Variants in ACAP2 observed in about 807,000 individuals in gnomAD.
ACAP2 encodes the protein arf-GAP with coiled-coil, ANK repeat and PH domain-containing protein 2.
Under a neutral mutation model 115.8 loss-of-function variants are expected in ACAP2, and 39 were observed. The observed-to-expected ratio is 0.34, with a 90% confidence interval of 0.26 to 0.44. ACAP2 has a LOEUF of 0.44. Among genes scored for constraint, ACAP2 ranks in the 20% least tolerant of loss-of-function variants. The pLI is 1.00. For synonymous variants in ACAP2, 289 were observed against 315.8 expected (o/e 0.92, Z 0.90); for missense variants, 662 against 927.6 (o/e 0.71, Z 3.72).
At chr3:195,428,057 A>G (rs1182149516) in intron 1 of ACAP2, among the ~76,000 whole-genome samples, 1 of 152,042 alleles carries the variant, frequency 6.6e-6, no homozygotes, top group African/African-American at 2.4e-5. Flanking sequence ...AATTGTTACC[A>G]AATTATCAAT....
At chr3:195,340,544 G>C (rs144129416) in intron 6 of ACAP2, among the ~76,000 whole-genome samples, 234 of 152,196 alleles carry the variant, frequency 1.5e-3, no homozygotes, top group African/African-American at 5.4e-3. Flanking sequence ...AGAGTGAAAA[G>C]GCAGACAAAG....
chr3:195,407,692 G>A (rs9860798), intron 1 of ACAP2, among the ~76,000 whole-genome samples: 46,158 of 151,948 alleles, frequency 0.3, 8,056 homozygotes, highest in East Asian at 0.81. Context: ...GTAAGACTCC[G>A]TCTCAAAAGA....
rs750516047 is a variant in ACAP2, at chr3:195,301,648, A to C, written c.1326-4T>G. The stretch of plus-strand genomic sequence containing the variant: ...TGAAAAATGAACCCCAAGGCTCCTA[A>C]GTGGAAAAAAGAAGACTGCATTACT... On this transcript the variant is annotated splice_region_variant and splice_polypyrimidine_tract_variant and intron_variant, in intron 14 of 22. Transcript: ENST00000326793. The C allele has an allele frequency of 2.5e-6, 4 of 1,611,632 alleles. No individual in the cohort carries two copies. The highest frequency in any genetic ancestry group is 2.5e-6 in the Non-Finnish European group (3 of 1,179,184).
chr3:195,359,313 G>A (rs147213213), intron 4 of ACAP2, among the ~76,000 whole-genome samples: 4 of 152,282 alleles, frequency 2.6e-5, no homozygotes, highest in African/African-American at 9.6e-5. Context: ...TAATTGTGCT[G>A]TGTAAACTAC....
intron 1 of ACAP2, chr3:195,442,083 G>C (rs941461626): frequency 6.6e-6 from 1 of 152,484 alleles, no homozygotes; most frequent in African/African-American, 2.4e-5. Context: ...TCCGCCCTCA[G>C]CCCGGTACCT....
intron 1 of ACAP2, among the ~76,000 whole-genome samples, chr3:195,425,101 T>C (rs954936643): frequency 1.3e-5 from 2 of 149,520 alleles, no homozygotes; most frequent in African/African-American, 4.9e-5. Flanking sequence ...TTAAATTTGC[T>C]ATACAACTAA....
intron 15 of ACAP2, among the ~76,000 whole-genome samples, chr3:195,300,410 T>C (rs974673546): frequency 2.6e-5 from 4 of 152,158 alleles, no homozygotes; most frequent in Admixed American, 1.3e-4. Flanking sequence ...TTTTCTACAA[T>C]ATGGTAAACT....
At chr3:195,417,527 C>T (rs1191140277) in intron 1 of ACAP2, among the ~76,000 whole-genome samples, 1 of 152,142 alleles carries the variant, frequency 6.6e-6, no homozygotes, top group African/African-American at 2.4e-5. Flanking sequence ...CTACCAAAAG[C>T]GGACCATCAT....
At chr3:195,411,353 A>G (rs1451948005) in intron 1 of ACAP2, among the ~76,000 whole-genome samples, 1 of 152,244 alleles carries the variant, frequency 6.6e-6, no homozygotes, top group Non-Finnish European at 1.5e-5. Flanking sequence ...CGCATTATTC[A>G]CAATAGATAA....
intron 1 of ACAP2, among the ~76,000 whole-genome samples, chr3:195,440,842 T>C (rs895632327): frequency 2.6e-5 from 4 of 152,178 alleles, no homozygotes; most frequent in African/African-American, 7.2e-5. Context: ...CCAAAATGTA[T>C]ATAAGATGTT....
intron 1 of ACAP2, among the ~76,000 whole-genome samples, chr3:195,433,844 T>C (rs1715325354): frequency 6.6e-6 from 1 of 152,214 alleles, no homozygotes; most frequent in Non-Finnish European, 1.5e-5. Context: ...ATATTCAGTT[T>C]GCTAGTACTT....
chr3:195,295,489 T>C, intron 17 of ACAP2: 1 of 618,960 alleles, frequency 1.6e-6, no homozygotes. Context: ...AGCAGTTTTA[T>C]TCCTTAGAAT....
Position 195,383,138 on chromosome 3 carries a change from T to C in ACAP2, c.112-1116A>G, listed in dbSNP as rs184770528. On this transcript the variant is annotated intron_variant, in intron 2 of 22. Transcript: ENST00000326793. ...ATGCTGGCACAGATGTCTTTTAAAT[T>C]GTTTGCTATTTACAATATAAAATAA... 5.9e-5 allele frequency among the ~76,000 whole-genome samples: 9 copies of C among 152,302 alleles called. No homozygotes were observed. The East Asian group carries it at 1.5e-3, about 26-fold the overall frequency.
chr3:195,350,414 G>C (rs1031206607), intron 4 of ACAP2, among the ~76,000 whole-genome samples: 1 of 152,030 alleles, frequency 6.6e-6, no homozygotes, highest in Non-Finnish European at 1.5e-5. Flanking sequence ...AATCCCAACA[G>C]TTTGAGAGGA....
intron 4 of ACAP2, among the ~76,000 whole-genome samples, chr3:195,364,448 G>A (rs1285849878): frequency 2.6e-5 from 4 of 152,120 alleles, no homozygotes; most frequent in African/African-American, 9.7e-5. Flanking sequence ...GCTCATGCCT[G>A]TAATCCCAGC....
intron 4 of ACAP2, among the ~76,000 whole-genome samples, chr3:195,358,322 G>A (rs28811744): frequency 3.1e-4 from 47 of 152,048 alleles, no homozygotes; most frequent in African/African-American, 1.1e-3. Flanking sequence ...TCAATGCCTA[G>A]ATAATCACAA....
At chr3:195,313,196 ACT>A (rs1422932161) in intron 10 of ACAP2, among the ~76,000 whole-genome samples, 4 of 152,312 alleles carry the variant, frequency 2.6e-5, no homozygotes, top group South Asian at 2.1e-4. Context: ...AACTCTTAAG[ACT>A]CTGAAAATTT....
chr3:195,362,177 G>A (rs573231328), intron 4 of ACAP2, among the ~76,000 whole-genome samples: 41 of 152,144 alleles, frequency 2.7e-4, no homozygotes, highest in Admixed American at 2.0e-3. Flanking sequence ...TTAGCCAGGC[G>A]TGGTGGCACT....
At chr3:195,324,481 C>T (rs1003894319) in intron 9 of ACAP2, among the ~76,000 whole-genome samples, 6 of 152,078 alleles carry the variant, frequency 3.9e-5, no homozygotes, top group Non-Finnish European at 7.3e-5. Context: ...AAAAGCGGCA[C>T]GGTGGCTCAC....
Sources: allele counts gnomAD v4.1 joint callset (sites outside exome capture counted in the v4.1 genomes callset), GRCh38; gene constraint gnomAD v4.1.1; transcripts MANE v1.5; gene names NCBI Gene and HGNC (gene_info 2026-07-23, HGNC 2026-07-21).